The following LCK variants were observed in gnomAD, a reference collection of about 807,000 sequenced individuals.
The protein encoded by LCK is tyrosine-protein kinase Lck.
Under a neutral mutation model 64.6 loss-of-function variants are expected in LCK, and 14 were observed. The observed-to-expected ratio is 0.22, with a 90% CI of 0.14 to 0.34. LCK has a LOEUF of 0.34. Ranked by LOEUF, LCK falls within the 10% of genes least tolerant of loss-of-function variation. The pLI is 1.00. For synonymous variants in LCK, 277 were observed against 263.6 expected (o/e 1.05, Z -0.49); for missense variants, 434 against 668.1 (o/e 0.65, Z 3.86).
chr1:32,272,202 T>G (rs1381621039), intron 1 of LCK, among the ~76,000 whole-genome samples: 1 of 148,986 alleles, frequency 6.7e-6, no homozygotes, highest in African/African-American at 2.5e-5. Context: ...GAGAATTGCT[T>G]GAACCTGGGA....
rs747963377 is a variant in LCK, at chr1:32,251,544, T to C, written c.-6+173T>C. On this transcript the variant is annotated intron_variant, in intron 1 of 12. Coordinates refer to ENST00000336890, the MANE Select transcript of LCK (RefSeq NM_005356.5). This position sits in a 1 kb window ranked among gnomAD's most constrained non-coding sequence, Gnocchi z 4.0. ...GCAGGCAGTGTAGCTGGGTCGCCTC[T>C]TTCCTGCGAAGCTGGTGTCGCTTGC... Among the ~76,000 whole-genome samples the C allele has an allele frequency of 6.6e-6, 1 of 152,162 alleles. No homozygotes were observed. The highest frequency in any genetic ancestry group is 1.5e-5 in the Non-Finnish European group (1 of 68,016).
intron 1 of LCK, among the ~76,000 whole-genome samples, chr1:32,254,050 G>T (rs1260241621): frequency 6.6e-6 from 1 of 152,132 alleles, no homozygotes; most frequent in East Asian, 1.9e-4. Context: ...GTGGGGTGGG[G>T]TGGGGTAGGT....
intron 1 of LCK, among the ~76,000 whole-genome samples, chr1:32,273,038 G>T (rs1343804309): frequency 6.7e-6 from 1 of 149,172 alleles, no homozygotes; most frequent in Non-Finnish European, 1.5e-5. Flanking sequence ...GTGTGGACGA[G>T]TGTGTGTGTT....
intron 12 of LCK, among the ~76,000 whole-genome samples, chr1:32,285,211 G>T (rs1296445822): frequency 6.6e-6 from 1 of 151,402 alleles, no homozygotes; most frequent in Non-Finnish European, 1.5e-5. Context: ...TGAGGCAGGA[G>T]AATTGTTTGA....
intron 1 of LCK, among the ~76,000 whole-genome samples, chr1:32,272,605 AAGAGAGAG>A (rs377566341): frequency 2.2e-5 from 3 of 135,664 alleles, no homozygotes; most frequent in Non-Finnish European, 3.2e-5. Context: ...GAGAGAGAGA[AAGAGAGAG>A]AGAGAGAGAA....
intron 9 of LCK, among the ~76,000 whole-genome samples, chr1:32,278,185 A>G (rs1640339557): frequency 6.6e-6 from 1 of 152,152 alleles, no homozygotes; most frequent in Non-Finnish European, 1.5e-5. Context: ...TCTCAAAACA[A>G]AAAACCCACA....
intron 1 of LCK, among the ~76,000 whole-genome samples, chr1:32,257,296 T>C (rs974574954): frequency 1.6e-4 from 25 of 151,578 alleles, no homozygotes; most frequent in Non-Finnish European, 8.8e-5. Context: ...TCGCCTAGGC[T>C]GGAGCGTAGT....
At chr1:32,279,597 C>T in intron 9 of LCK, 74 bp from the exon 10 acceptor site, 1 of 1,611,490 alleles carries the variant, frequency 6.2e-7, no homozygotes, top group Non-Finnish European at 8.5e-7. Context: ...TTCTAGACTC[C>T]CAGTTGGAGG....
At chr1:32,258,025 A>G (rs1014215925) in intron 1 of LCK, among the ~76,000 whole-genome samples, 2 of 151,868 alleles carry the variant, frequency 1.3e-5, no homozygotes, top group African/African-American at 4.8e-5. Context: ...GCTTGCACCT[A>G]TAATCACAGC....
chr1:32,284,093 G>A (rs1246938379), intron 12 of LCK, among the ~76,000 whole-genome samples: 2 of 151,528 alleles, frequency 1.3e-5, no homozygotes, highest in Admixed American at 1.3e-4. Context: ...ATGTTGACCA[G>A]GCTGGTTTCA....
chr1:32,260,856 G>A (rs1387187833), intron 1 of LCK, among the ~76,000 whole-genome samples: 13 of 152,006 alleles, frequency 8.6e-5, no homozygotes, highest in East Asian at 7.7e-4. Flanking sequence ...TCCTGGCCTC[G>A]AGTGATCCTT....
At chr1:32,284,339 TATA>T (rs1190886362) in intron 12 of LCK, among the ~76,000 whole-genome samples, 2 of 148,068 alleles carry the variant, frequency 1.4e-5, no homozygotes, top group Non-Finnish European at 3.0e-5. Context: ...GAGATATATA[TATA>T]ATAATATATA....
Position 32,275,390 on chromosome 1 carries a change from G to T in LCK, c.348G>T (p.Val116=), listed in dbSNP as rs777531211. The change falls in exon 5 of 13, where the codon GTG becomes GTT. Residue 116 remains valine, a synonymous_variant. Coordinates refer to ENST00000336890, the MANE Select transcript of LCK (RefSeq NM_005356.5). The surrounding 1 kb of genome is among the most constrained non-coding windows in gnomAD (Gnocchi z 6.9). ...GQEGFIPFNF[V]AKANSLEPEP... The stretch of plus-strand genomic sequence containing the variant: ...AAGGCTTCATCCCCTTCAATTTTGT[G>T]GCCAAAGCGAACAGCCTGGAGCCCG... The T allele has an allele frequency of 1.2e-6, 2 of 1,614,044 alleles. No homozygotes were observed. The highest frequency in any genetic ancestry group is 1.7e-6 in the Non-Finnish European group (2 of 1,180,032).
chr1:32,279,787 C>T (rs1404915659), intron 10 of LCK, 40 bp downstream of exon 10: 2 of 1,611,756 alleles, frequency 1.2e-6, no homozygotes, highest in South Asian at 2.2e-5. Flanking sequence ...AGGGAACAGA[C>T]CAGTGACGTG....
rs1266785732 is a variant in LCK at position 32,271,568 on chromosome 1, G to A, written c.-5-2757G>A. On this transcript the variant is annotated intron_variant, in intron 1 of 12. Coordinates refer to ENST00000336890, the MANE Select transcript of LCK (RefSeq NM_005356.5). ...GGTGCCAGCTACCCAGGAGGCTGAA[G>A]TTAGAGGATCACTTGAGCCCAGGAG... is the stretch of plus-strand genomic sequence containing the variant. Among the ~76,000 whole-genome samples, 3 of 152,222 alleles carry A rather than the reference G, an allele frequency of 2.0e-5. No homozygotes were observed. In the East Asian group the frequency reaches 5.8e-4, roughly 29 times the overall value.
Position 32,259,839 on chromosome 1 carries a change from T to G in LCK, c.-6+8468T>G, listed in dbSNP as rs985391709. Among the ~76,000 whole-genome samples, 8 of 151,598 alleles carry G rather than the reference T, an allele frequency of 5.3e-5. No homozygotes were observed. In the East Asian group the frequency reaches 5.8e-4, roughly 11 times the overall value. On this transcript the variant is annotated intron_variant, in intron 1 of 12. Coordinates refer to ENST00000336890, the MANE Select transcript of LCK (RefSeq NM_005356.5). ...GACCCTGTCTCAAAATAAAATAAAATAAAGAAAGAAATTATTTGCCATGCC... is the reference window on the plus strand; with the variant it reads ...GACCCTGTCTCAAAATAAAATAAAAGAAAGAAAGAAATTATTTGCCATGCC...
chr1:32,278,136 AC>A (rs1237663651), intron 9 of LCK, among the ~76,000 whole-genome samples: 1 of 152,148 alleles, frequency 6.6e-6, no homozygotes, highest in Non-Finnish European at 1.5e-5. Context: ...CTGTGATTGC[AC>A]CACTGCACTC....
At chr1:32,268,907 G>A (rs1209868087) in intron 1 of LCK, among the ~76,000 whole-genome samples, 3 of 151,546 alleles carry the variant, frequency 2.0e-5, no homozygotes, top group African/African-American at 7.3e-5. Context: ...GGAGGCTGAG[G>A]TCAGGAGTTC....
At chr1:32,260,784 G>T (rs1288530243) in intron 1 of LCK, among the ~76,000 whole-genome samples, 2 of 151,188 alleles carry the variant, frequency 1.3e-5, no homozygotes, top group African/African-American at 2.4e-5. Context: ...ACCACACCTG[G>T]TTAATTTTTG....
Sources: allele counts gnomAD v4.1 joint callset (sites outside exome capture counted in the v4.1 genomes callset), GRCh38; gene constraint gnomAD v4.1.1; non-coding constraint Gnocchi (gnomAD v3.1); transcripts MANE v1.5; gene names NCBI Gene and HGNC (gene_info 2026-07-23, HGNC 2026-07-21).